Variants in TP53BP2 observed in about 807,000 individuals in gnomAD.
TP53BP2 encodes the protein apoptosis-stimulating of p53 protein 2.
A neutral mutation model predicts 126.2 loss-of-function variants in TP53BP2; 62 were observed. The ratio of observed to expected loss-of-function variants is 0.49; its 90% CI spans 0.40 to 0.61. The LOEUF is 0.61. TP53BP2 is among the 20% of genes least tolerant of loss of function. The probability of loss-of-function intolerance (pLI) is 0.00; values close to 1 mark genes in which losing one functional copy is unlikely to be tolerated. For synonymous variants in TP53BP2, 485 were observed against 502.9 expected (o/e 0.96, Z 0.48); for missense variants, 1,215 against 1,402.8 (o/e 0.87, Z 2.14).
intron 1 of TP53BP2, among the ~76,000 whole-genome samples, chr1:223,838,875 A>G (rs953036374): frequency 2.0e-5 from 3 of 152,196 alleles, no homozygotes; most frequent in African/African-American, 7.2e-5. Flanking sequence ...AGAGGTGGGA[A>G]GAAATAGCTA....
chr1:223,784,051 A>G, intron 17 of TP53BP2, 64 bp downstream of exon 17: 1 of 1,413,872 alleles, frequency 7.1e-7, no homozygotes, highest in Non-Finnish European at 1.0e-6. Context: ...CATAACATAC[A>G]GCAGTTTTTA....
intron 2 of TP53BP2, among the ~76,000 whole-genome samples, chr1:223,815,999 C>A (rs929140381): frequency 2.0e-5 from 3 of 152,190 alleles, no homozygotes; most frequent in Admixed American, 6.5e-5. Context: ...AATTTCTCGG[C>A]ACGTATCACC....
At chr1:223,802,027 A>C in intron 9 of TP53BP2, 89 bp downstream of exon 9, 2 of 1,261,166 alleles carry the variant, frequency 1.6e-6, no homozygotes. Context: ...AACATGAATA[A>C]TGAATACAAA....
At chr1:223,825,154 T>C (rs1249140574) in intron 1 of TP53BP2, among the ~76,000 whole-genome samples, 1 of 152,160 alleles carries the variant, frequency 6.6e-6, no homozygotes, top group Non-Finnish European at 1.5e-5. Flanking sequence ...CCTTTCCTAC[T>C]AGAAAGTAAG....
chr1:223,784,088 A>C, intron 17 of TP53BP2, 27 bp downstream of exon 17: 1 of 1,609,738 alleles, frequency 6.2e-7, no homozygotes, highest in Non-Finnish European at 8.5e-7. Flanking sequence ...CACATATGAA[A>C]ACACCGTAAG....
chr1:223,831,391 C>T (rs6604727), intron 1 of TP53BP2, among the ~76,000 whole-genome samples: 12,992 of 134,006 alleles, frequency 0.097, 787 homozygotes, highest in African/African-American at 0.15. Context: ...GAGCAAGACG[C>T]TGTCTCCCAA....
At position 223,796,124 on chromosome 1, in the gene TP53BP2, C is replaced by T; in HGVS notation, c.2415G>A (p.Glu805=). ...ATGATTCAGGAACCAGAGAGACCACCTCCTTTTCGGGCTCCACATGTAAAT... is the reference window on the plus strand; with the variant it reads ...ATGATTCAGGAACCAGAGAGACCACTTCCTTTTCGGGCTCCACATGTAAAT... The part of the protein sequence containing the change: ...NPYLHVEPEK[E]VVSLVPESLS... Residue 805 remains glutamate, a synonymous_variant, in exon 13 of 18, where the codon GAG becomes GAA. Coordinates refer to ENST00000343537, the MANE Select transcript of TP53BP2 (RefSeq NM_001031685.3). This position sits in a 1 kb window ranked among gnomAD's most constrained non-coding sequence, Gnocchi z 4.2. 1 of 1,614,204 alleles carries T rather than the reference C, an allele frequency of 6.2e-7. No homozygotes were observed. Among genetic ancestry groups the T allele is most frequent in the Non-Finnish European group, 8.5e-7 (1 of 1,180,052 alleles).
intron 16 of TP53BP2, among the ~76,000 whole-genome samples, chr1:223,788,799 T>C (rs1049786361): frequency 6.6e-6 from 1 of 152,196 alleles, no homozygotes; most frequent in Non-Finnish European, 1.5e-5. Context: ...CACTGTCTTT[T>C]GTAATTGAAG....
At chr1:223,813,632 C>A (rs1437810695) in intron 3 of TP53BP2, among the ~76,000 whole-genome samples, 5 of 152,110 alleles carry the variant, frequency 3.3e-5, no homozygotes, top group African/African-American at 1.2e-4. Context: ...TGTCTAGACA[C>A]CTTTGTTTTC....
chr1:223,797,819 C>CGTATATATGTCTCTCTATATGT lies in TP53BP2; in HGVS notation c.1948+374_1948+395dup, dbSNP rs1662383095. On this transcript the variant is annotated intron_variant, in intron 12 of 17. Transcript: ENST00000343537. Reference sequence around the variant, plus strand: ...ATATATATCTATATATACATGTCTACGTATATATGTCTCTCTATATGTATA... The same window carrying CGTATATATGTCTCTCTATATGT: ...ATATATATCTATATATACATGTCTACGTATATATGTCTCTCTATATGTGTATATATGTCTCTCTATATGTATA... Among the ~76,000 whole-genome samples the CGTATATATGTCTCTCTATATGT allele has an allele frequency of 4.7e-4, 72 of 151,806 alleles. 2 individuals carry two copies. In the South Asian group the frequency reaches 0.014, roughly 30 times the overall value.
chr1:223,807,741 T>G (rs1477734905), intron 4 of TP53BP2, among the ~76,000 whole-genome samples: 2 of 152,076 alleles, frequency 1.3e-5, no homozygotes, highest in Non-Finnish European at 2.9e-5. Flanking sequence ...AGGGATAAAT[T>G]TAATAAATAG....
chr1:223,799,767 T>C (rs1475480511), intron 11 of TP53BP2, 132 bp downstream of exon 11: 1 of 789,424 alleles, frequency 1.3e-6, no homozygotes, highest in South Asian at 3.8e-5. Context: ...AATAACAGAA[T>C]GCTAATGTAT....
At chr1:223,822,062 C>T (rs567420359) in intron 1 of TP53BP2, among the ~76,000 whole-genome samples, 1 of 151,910 alleles carries the variant, frequency 6.6e-6, no homozygotes, top group South Asian at 2.1e-4. Context: ...CCACACCACG[C>T]CATGCCACAT....
At chr1:223,784,845 G>T (rs1661896007) in intron 16 of TP53BP2, among the ~76,000 whole-genome samples, 1 of 152,132 alleles carries the variant, frequency 6.6e-6, no homozygotes, top group African/African-American at 2.4e-5. Context: ...GAATATGTTA[G>T]AATGCAAAAA....
intron 1 of TP53BP2, among the ~76,000 whole-genome samples, chr1:223,839,030 T>C (rs1397944660): frequency 1.3e-5 from 2 of 150,942 alleles, no homozygotes; most frequent in African/African-American, 4.9e-5. Context: ...TTTTTTTCCA[T>C]TTTTCCTTTT....
Position 223,800,000 on chromosome 1 carries a change from G to A in TP53BP2, c.1384C>T (p.Pro462Ser). 1 of 1,612,206 alleles carries A rather than the reference G, an allele frequency of 6.2e-7. No homozygotes were observed. Among genetic ancestry groups the A allele is most frequent in the South Asian group, 1.1e-5 (1 of 90,726 alleles). The change falls in exon 11 of 18, where the codon CCG becomes TCG. Residue 462 changes from proline (P) to serine (S), a missense_variant. Physicochemically the swap from Pro to Ser is moderately conservative, Grantham distance 74. Transcript: ENST00000343537. Reference sequence around the variant, plus strand: ...TCTACTGCATCAAACATTGAGAACGGACGCACTTTCTTCTCTTTCTCCCTC... The same window carrying A: ...TCTACTGCATCAAACATTGAGAACGAACGCACTTTCTTCTCTTTCTCCCTC... ...PLREKEKKVR[P>S]FSMFDAVDQS...
chr1:223,785,191 C>T (rs958584977), intron 16 of TP53BP2, among the ~76,000 whole-genome samples: 1 of 152,120 alleles, frequency 6.6e-6, no homozygotes, highest in South Asian at 2.1e-4. Context: ...TTTTTAAAAA[C>T]CAGGAAAATA....
chr1:223,806,164 A>T (rs1050716119), intron 5 of TP53BP2, among the ~76,000 whole-genome samples: 3 of 152,222 alleles, frequency 2.0e-5, no homozygotes, highest in Admixed American at 6.5e-5. Flanking sequence ...ATCCAAGATT[A>T]ATCTATGGTA....
At chr1:223,825,856 C>G (rs1272293423) in intron 1 of TP53BP2, 1 of 152,308 alleles carries the variant, frequency 6.6e-6, no homozygotes, top group Admixed American at 6.5e-5. Flanking sequence ...CCACCCACTA[C>G]TCCCCACTGG....
Sources: gnomAD v4.1 joint callset for allele counts (sites outside exome capture counted in the v4.1 genomes callset) on GRCh38, gnomAD v4.1.1 for gene constraint, Gnocchi (gnomAD v3.1) non-coding constraint, MANE v1.5 for transcripts, NCBI Gene and HGNC (gene_info 2026-07-23, HGNC 2026-07-21) for gene names.